Variants in FBLN1 observed in about 807,000 individuals in gnomAD.
FBLN1 encodes fibulin 1.
In FBLN1, 34 loss-of-function variants were observed where a neutral mutation model predicts 89.7. The ratio of observed to expected loss-of-function variants is 0.38; its 90% CI spans 0.29 to 0.50. The LOEUF (loss-of-function observed/expected upper bound fraction) is 0.50, where lower values mean the gene tolerates loss of function less well. FBLN1 is among the 20% of genes least tolerant of loss of function. The pLI, the probability that FBLN1 is intolerant of heterozygous loss-of-function variation, is 0.92. For synonymous variants in FBLN1, 393 were observed against 391.3 expected, an observed-to-expected ratio of 1.00 and a Z score of -0.05; for missense variants, 777 against 988.1, an observed-to-expected ratio of 0.79 and a Z score of 2.86.
chr22:45,504,198 GGAAGGGGGCT>G lies in FBLN1; in HGVS notation c.79+1146_79+1155del, dbSNP rs567752345. 6.5e-4 allele frequency among the ~76,000 whole-genome samples: 98 copies of G among 151,756 alleles called. 2 individuals are homozygous for G. Among genetic ancestry groups the G allele is most frequent in the African/African-American group, 2.1e-3 (89 of 41,404 alleles). On this transcript the variant is annotated intron_variant, in intron 1 of 16. Transcript: ENST00000327858. ...AACTAATGCTCACTGGGGGATTCCA[GGAAGGGGGCT>G]GAAGGGGGCTGGAGGGGGAGGGGAG...
chr22:45,505,272 C>A (rs2088003289), intron 1 of FBLN1, among the ~76,000 whole-genome samples: 1 of 152,234 alleles, frequency 6.6e-6, no homozygotes, highest in Non-Finnish European at 1.5e-5. Flanking sequence ...TGCAGCCGGG[C>A]AGCGTTTCCG....
Position 45,574,099 on chromosome 22 carries a change from T to C in FBLN1, c.1698-412T>C, listed in dbSNP as rs1200696044. Among the ~76,000 whole-genome samples, 2 of 152,230 alleles carry C rather than the reference T, an allele frequency of 1.3e-5. No homozygotes were observed. The highest frequency in any genetic ancestry group is 4.8e-5 in the African/African-American group (2 of 41,460). ...TGCTGCCCAGCCTCACTGTGGGCTCTGAGAAGGCGGGACCATGTGTCCCTT... is the reference window on the plus strand; with the variant it reads ...TGCTGCCCAGCCTCACTGTGGGCTCCGAGAAGGCGGGACCATGTGTCCCTT... On this transcript the variant is annotated intron_variant, in intron 14 of 16. Transcript: ENST00000327858. The surrounding 1 kb of genome is among the most constrained non-coding windows in gnomAD (Gnocchi z 4.1).
At chr22:45,587,243 T>C (rs2089095195) in intron 16 of FBLN1, among the ~76,000 whole-genome samples, 2 of 151,792 alleles carry the variant, frequency 1.3e-5, no homozygotes, top group Non-Finnish European at 1.5e-5. Context: ...TAAGCCCCAC[T>C]TTTCACATCC....
chr22:45,573,397 C>T lies in FBLN1; in HGVS notation c.1698-1114C>T, dbSNP rs149521875. Among the ~76,000 whole-genome samples, 619 of 151,654 alleles carry T rather than the reference C, an allele frequency of 4.1e-3. 4 individuals are homozygous for T. Among genetic ancestry groups the T allele is most frequent in the African/African-American group, 0.014 (592 of 41,338 alleles). ...AAACTATGAAGAAACCCAAGTAGGC[C>T]GGGCTCGGTGGCTCAGGCCTGTAAT... On this transcript the variant is annotated intron_variant, in intron 14 of 16. Transcript: ENST00000327858.
intron 14 of FBLN1, among the ~76,000 whole-genome samples, chr22:45,551,524 G>A (rs927913982): frequency 2.6e-5 from 4 of 152,212 alleles, no homozygotes; most frequent in African/African-American, 7.2e-5. Context: ...GAGCAGCCCC[G>A]TTGTCCCTGG....
intron 16 of FBLN1, among the ~76,000 whole-genome samples, chr22:45,592,487 C>T (rs5765519): frequency 0.37 from 55,571 of 151,992 alleles, 12,346 homozygotes; most frequent in East Asian, 0.53. Context: ...GCCACCATGC[C>T]CAGCTAATTT....
Position 45,574,087 on chromosome 22 carries a change from C to T in FBLN1, c.1698-424C>T, listed in dbSNP as rs2088973580. ...CGTTTATTACCCTGCTGCCCAGCCTCACTGTGGGCTCTGAGAAGGCGGGAC... is the reference window on the plus strand; with the variant it reads ...CGTTTATTACCCTGCTGCCCAGCCTTACTGTGGGCTCTGAGAAGGCGGGAC... On this transcript the variant is annotated intron_variant, in intron 14 of 16. Coordinates refer to ENST00000327858, the MANE Select transcript of FBLN1 (RefSeq NM_006486.3). The surrounding 1 kb of genome is among the most constrained non-coding windows in gnomAD (Gnocchi z 4.1). Among the ~76,000 whole-genome samples, 1 of 152,204 alleles carries T rather than the reference C, an allele frequency of 6.6e-6. No homozygotes were observed. The highest frequency in any genetic ancestry group is 2.4e-5 in the African/African-American group (1 of 41,454).
intron 11 of FBLN1, among the ~76,000 whole-genome samples, chr22:45,544,252 A>G (rs928289788): frequency 6.6e-6 from 1 of 152,144 alleles, no homozygotes; most frequent in South Asian, 2.1e-4. Context: ...ATGCCCAGCT[A>G]ATTTTTGTAT....
At position 45,548,668 on chromosome 22, in the gene FBLN1, C is replaced by T. The variant is rs2088662930; in HGVS notation, c.1497C>T (p.Ile499=). Residue 499 remains isoleucine, a synonymous_variant, in exon 13 of 17, where the codon ATC becomes ATT. Coordinates refer to ENST00000327858, the MANE Select transcript of FBLN1 (RefSeq NM_006486.3). Reference sequence around the variant, plus strand: ...GCCACATCTGCTCCTACCGCTGCATCAACATCCCTGGAAGCTTCCAGTGCA... The same window carrying T: ...GCCACATCTGCTCCTACCGCTGCATTAACATCCCTGGAAGCTTCCAGTGCA... ...TGGHICSYRC[I]NIPGSFQCSC... 1 of 1,613,894 alleles carries T rather than the reference C, an allele frequency of 6.2e-7. No homozygotes were observed. Among genetic ancestry groups the T allele is most frequent in the Non-Finnish European group, 8.5e-7 (1 of 1,180,016 alleles).
At chr22:45,567,399 G>A (rs1041453318) in intron 14 of FBLN1, among the ~76,000 whole-genome samples, 2 of 152,194 alleles carry the variant, frequency 1.3e-5, no homozygotes, top group African/African-American at 4.8e-5. Flanking sequence ...GCAGACCACT[G>A]AAGGTCGGGA....
intron 1 of FBLN1, among the ~76,000 whole-genome samples, chr22:45,504,558 C>G (rs970012215): frequency 1.3e-5 from 2 of 152,154 alleles, no homozygotes; most frequent in African/African-American, 4.8e-5. Context: ...ATCCGAGACT[C>G]CTGTTAGAAA....
intron 16 of FBLN1, among the ~76,000 whole-genome samples, chr22:45,594,712 G>A (rs2089168780): frequency 6.7e-6 from 1 of 149,902 alleles, no homozygotes; most frequent in Non-Finnish European, 1.5e-5. Context: ...ATGGATGGAT[G>A]GATGGATGGA....
At chr22:45,547,274 C>CT (rs967843988) in intron 12 of FBLN1, 70 bp downstream of exon 12, 7 of 1,596,994 alleles carry the variant, frequency 4.4e-6, no homozygotes, top group African/African-American at 4.0e-5. Flanking sequence ...AGCACGGCCT[C>CT]TGACTTTCAA....
In FBLN1 at chr22:45,588,902, C is replaced by T. The variant is rs916064040; in HGVS notation, c.1973-11405C>T. ...AAATCTGCGAAAGGATCTCAGTGCC[C>T]GCCATTACCTGGCCAGCACCGGGAG... On this transcript the variant is annotated intron_variant, in intron 16 of 16. Transcript: ENST00000327858. The surrounding 1 kb of genome is among the most constrained non-coding windows in gnomAD (Gnocchi z 5.1). Among the ~76,000 whole-genome samples, 5 of 151,540 alleles carry T rather than the reference C, an allele frequency of 3.3e-5. No homozygotes were observed. The highest frequency in any genetic ancestry group is 9.7e-5 in the African/African-American group (4 of 41,330).
rs1055175183 is a variant in FBLN1 at position 45,530,254 on chromosome 22, T to C, written c.485-1011T>C. Among the ~76,000 whole-genome samples the C allele has an allele frequency of 4.6e-5, 7 of 151,966 alleles. No homozygotes were observed. Among genetic ancestry groups the C allele is most frequent in the African/African-American group, 1.4e-4 (6 of 41,400 alleles). On this transcript the variant is annotated intron_variant, in intron 4 of 16. Coordinates refer to ENST00000327858, the MANE Select transcript of FBLN1 (RefSeq NM_006486.3). The surrounding 1 kb of genome is among the most constrained non-coding windows in gnomAD (Gnocchi z 5.4). The stretch of plus-strand genomic sequence containing the variant: ...ACCATTCCTGCTGGTGGAGGATTTC[T>C]CCTGCATCTCGGGGGTGGATTTTCA...
intron 14 of FBLN1, chr22:45,565,007 C>G: frequency 6.2e-7 from 1 of 1,613,402 alleles, no homozygotes; most frequent in Non-Finnish European, 8.5e-7. Context: ...GAAGATGGAC[C>G]TGGACAGACA....
intron 3 of FBLN1, among the ~76,000 whole-genome samples, chr22:45,527,586 G>A (rs543464102): frequency 1.8e-4 from 28 of 152,036 alleles, no homozygotes; most frequent in African/African-American, 6.0e-4. Context: ...GCAATTGCAT[G>A]TTGGGGTGGG....
At chr22:45,539,432 C>A (rs2146977299) in intron 8 of FBLN1, among the ~76,000 whole-genome samples, 1 of 152,156 alleles carries the variant, frequency 6.6e-6, no homozygotes, top group African/African-American at 2.4e-5. Flanking sequence ...AGCTCTTGAC[C>A]TCAGGTGATC....
chr22:45,596,240 G>T (rs968441341), intron 16 of FBLN1, among the ~76,000 whole-genome samples: 1 of 152,182 alleles, frequency 6.6e-6, no homozygotes, highest in Non-Finnish European at 1.5e-5. Context: ...TAATCCATCT[G>T]GGGGTCCTAC....
Sources: allele counts gnomAD v4.1 joint callset (sites outside exome capture counted in the v4.1 genomes callset), GRCh38; gene constraint gnomAD v4.1.1; non-coding constraint Gnocchi (gnomAD v3.1); transcripts MANE v1.5; gene names NCBI Gene and HGNC (gene_info 2026-07-23, HGNC 2026-07-21).